The following SIPA1L2 variants were observed in gnomAD, a reference collection of about 807,000 sequenced individuals.
The protein encoded by SIPA1L2 is signal-induced proliferation-associated 1-like protein 2.
A neutral mutation model predicts 163.9 loss-of-function variants in SIPA1L2; 56 were observed. The ratio of observed to expected loss-of-function variants is 0.34; its 90% CI spans 0.28 to 0.43. SIPA1L2 has a LOEUF of 0.43. SIPA1L2 is among the 20% of genes least tolerant of loss of function. The probability of loss-of-function intolerance (pLI) is 1.00; values close to 1 mark genes in which losing one functional copy is unlikely to be tolerated. For synonymous variants in SIPA1L2, 877 were observed against 865.7 expected (o/e 1.01, Z -0.23); for missense variants, 1,974 against 2,193.5 (o/e 0.90, Z 2.00).
chr1:232,493,771 T>C lies in SIPA1L2; in HGVS notation c.1484-111A>G, dbSNP rs538509090. 4.5e-6 allele frequency: 6 copies of C among 1,328,498 alleles called. No homozygotes were observed. In the South Asian group the frequency reaches 5.6e-5, roughly 12 times the overall value. 82.3% of individuals were successfully genotyped at this position (1,328,498 alleles called of 1,614,324 possible). A position where few individuals can be genotyped will look rare whatever the true frequency, so the allele number is the denominator to read the frequency against. ...CTCTGAAGAAATACCACATAGCTCA[T>C]ACACAGTGATTTCCTTGTATCTGTT... On this transcript the variant is annotated intron_variant, in intron 3 of 22. Transcript: ENST00000674635.
chr1:232,443,465 A>T (rs1663024782), intron 12 of SIPA1L2, 137 bp downstream of exon 12: 2 of 549,814 alleles, frequency 3.6e-6, no homozygotes, highest in Non-Finnish European at 5.9e-6. Flanking sequence ...TGGACAAGTC[A>T]CTTGTTAAAA....
In SIPA1L2 at chr1:232,439,424, C is replaced by T. The variant is rs759431561; in HGVS notation, c.3715G>A (p.Asp1239Asn). The T allele has an allele frequency of 2.2e-5, 35 of 1,614,172 alleles. No homozygotes were observed. Among genetic ancestry groups the T allele is most frequent in the Non-Finnish European group, 2.8e-5 (33 of 1,180,034 alleles). The change falls in exon 15 of 23, where the codon GAC becomes AAC. Residue 1239 changes from aspartate (D) to asparagine (N), a missense_variant. Around this residue, in one of 3 missense-constraint regions of SIPA1L2, gnomAD observed 1,079 missense variants for 1,150.7 expected, o/e 0.94. Coordinates refer to ENST00000674635, the MANE Select transcript of SIPA1L2 (RefSeq NM_020808.5). ...AGGTCGCCAGACCCAAAGTGCTTGT[C>T]GTCACTGTTGCTGGAGGTGTTGCTG... ...LSSNTSSNSD[D>N]KHFGSGDLMD...
Position 232,555,054 on chromosome 1 carries a change from T to C in SIPA1L2, c.-270+19120A>G, listed in dbSNP as rs6667988. Among the ~76,000 whole-genome samples, 405 of 152,300 alleles carry C rather than the reference T, an allele frequency of 2.7e-3. 2 individuals are homozygous for C. The highest frequency in any genetic ancestry group is 9.2e-3 in the African/African-American group (382 of 41,564). On this transcript the variant is annotated intron_variant, in intron 2 of 22. Coordinates refer to ENST00000674635, the MANE Select transcript of SIPA1L2 (RefSeq NM_020808.5). ...TAATTATTCAATTTTGGCAGATGCT[T>C]TTACTTTAAAATCAGTTACAATACA...
At chr1:232,558,811 G>C (rs1222443615) in intron 2 of SIPA1L2, among the ~76,000 whole-genome samples, 1 of 152,100 alleles carries the variant, frequency 6.6e-6, no homozygotes, top group Non-Finnish European at 1.5e-5. Flanking sequence ...ATCACTTTTA[G>C]TCAATAGTAG....
At chr1:232,444,633 GCTGA>G (rs199928393) in intron 11 of SIPA1L2, among the ~76,000 whole-genome samples, 3,176 of 152,276 alleles carry the variant, frequency 0.021, 51 homozygotes, top group Middle Eastern at 0.044. Context: ...ATTTATATAA[GCTGA>G]CTAAGTGCCA....
chr1:232,400,924 T>A (rs1660299885), intron 22 of SIPA1L2, among the ~76,000 whole-genome samples: 1 of 152,142 alleles, frequency 6.6e-6, no homozygotes, highest in Non-Finnish European at 1.5e-5. Context: ...TAAAAATAAT[T>A]TCTCCAGTAT....
At chr1:232,427,840 C>A (rs1661990629) in intron 17 of SIPA1L2, among the ~76,000 whole-genome samples, 1 of 152,162 alleles carries the variant, frequency 6.6e-6, no homozygotes. Context: ...AGTTCCAACC[C>A]TGTTTAAAAT....
Position 232,399,208 on chromosome 1 carries a change from C to T in SIPA1L2, c.5088G>A (p.Leu1696=), listed in dbSNP as rs1446018589. ...VQHLRQDNMR[L]QEESQTATAQ... ...CTGTCGCGGTCTGGGACTCCTCCTG[C>T]AGTCTCATGTTGTCCTGTCTCAGGT... Residue 1696 remains leucine (L), a synonymous_variant, in exon 23 of 23, where the codon CTG becomes CTA. Transcript: ENST00000674635. The T allele has an allele frequency of 6.2e-7, 1 of 1,613,860 alleles. No homozygotes were observed. The highest frequency in any genetic ancestry group is 1.1e-5 in the South Asian group (1 of 91,060).
intron 2 of SIPA1L2, among the ~76,000 whole-genome samples, chr1:232,569,726 C>G (rs1319166431): frequency 6.6e-6 from 1 of 152,108 alleles, no homozygotes; most frequent in African/African-American, 2.4e-5. Flanking sequence ...GGCAGGAGAA[C>G]CGCTTGAACC....
At chr1:232,607,358 T>G (rs1407443149) in intron 1 of SIPA1L2, among the ~76,000 whole-genome samples, 3 of 152,232 alleles carry the variant, frequency 2.0e-5, no homozygotes, top group Non-Finnish European at 4.4e-5. Flanking sequence ...TTAATTGATT[T>G]AAATTACTTG....
chr1:232,494,641 T>C (rs1189281558), intron 3 of SIPA1L2, among the ~76,000 whole-genome samples: 1 of 152,248 alleles, frequency 6.6e-6, no homozygotes, highest in African/African-American at 2.4e-5. Flanking sequence ...AAGTATCTCA[T>C]TGCAACTTTC....
At chr1:232,573,477 G>C (rs144461381) in intron 2 of SIPA1L2, among the ~76,000 whole-genome samples, 365 of 152,314 alleles carry the variant, frequency 2.4e-3, no homozygotes, top group African/African-American at 8.5e-3. Context: ...TGTAGACACA[G>C]ACTGAGAGGA....
chr1:232,510,533 A>G (rs1373367031), intron 3 of SIPA1L2, among the ~76,000 whole-genome samples: 1 of 152,198 alleles, frequency 6.6e-6, no homozygotes, highest in Non-Finnish European at 1.5e-5. Flanking sequence ...TTTATTTCAC[A>G]TTCAAACCTA....
chr1:232,520,951 C>T (rs911226289), intron 2 of SIPA1L2, among the ~76,000 whole-genome samples: 1 of 151,800 alleles, frequency 6.6e-6, no homozygotes, highest in Non-Finnish European at 1.5e-5. Flanking sequence ...CAGTAGAATA[C>T]GAAAATCAAA....
intron 15 of SIPA1L2, among the ~76,000 whole-genome samples, 183 bp from the exon 16 acceptor site, chr1:232,432,654 C>A (rs1183644364): frequency 2.0e-5 from 3 of 152,160 alleles, no homozygotes; most frequent in Non-Finnish European, 4.4e-5. Flanking sequence ...TTTACGTAGG[C>A]TAAGGTTACT....
intron 1 of SIPA1L2, among the ~76,000 whole-genome samples, chr1:232,610,150 CAAT>C (rs1290175695): frequency 6.6e-6 from 1 of 152,010 alleles, no homozygotes. Context: ...TTAAATCTAA[CAAT>C]AAAAATTGAG....
At chr1:232,508,362 C>T (rs1353391327) in intron 3 of SIPA1L2, among the ~76,000 whole-genome samples, 1 of 152,220 alleles carries the variant, frequency 6.6e-6, no homozygotes, top group Non-Finnish European at 1.5e-5. Context: ...GAGTAACCCA[C>T]TAGGTGCACA....
chr1:232,423,347 G>T (rs1661690428), intron 18 of SIPA1L2, among the ~76,000 whole-genome samples: 1 of 152,186 alleles, frequency 6.6e-6, no homozygotes, highest in Admixed American at 6.5e-5. Flanking sequence ...GGCGATTGTG[G>T]TAGTCAGAAG....
intron 2 of SIPA1L2, among the ~76,000 whole-genome samples, chr1:232,545,038 C>G (rs905991752): frequency 4.6e-5 from 7 of 152,166 alleles, no homozygotes; most frequent in African/African-American, 1.4e-4. Flanking sequence ...AGGAAAAAAC[C>G]AGGCAAAGCG....
Sources: allele counts gnomAD v4.1 joint callset (sites outside exome capture counted in the v4.1 genomes callset), GRCh38; gene constraint gnomAD v4.1.1; regional missense constraint gnomAD v4.1.1; transcripts MANE v1.5; gene names NCBI Gene and HGNC (gene_info 2026-07-23, HGNC 2026-07-21).